GRIN2C: variants seen among roughly 807,000 people sequenced by gnomAD.
GRIN2C encodes the protein glutamate receptor ionotropic, NMDA 2C.
GRIN2C carries 64 observed loss-of-function variants against 77.7 expected under a neutral mutation model. That is an observed-to-expected ratio of 0.82 (90% CI 0.67 to 1.01). The LOEUF (loss-of-function observed/expected upper bound fraction) is 1.01, where lower values mean the gene tolerates loss of function less well. Among genes scored for constraint, GRIN2C ranks in the 50% least tolerant of loss-of-function variants. GRIN2C has a pLI of 0.00. For synonymous variants in GRIN2C, 792 were observed against 643.4 expected (o/e 1.23, Z -3.49); for missense variants, 1,549 against 1,486.0 (o/e 1.04, Z -0.70).
chr17:74,843,022 C>T lies in GRIN2C; in HGVS notation c.3115G>A (p.Gly1039Ser), dbSNP rs2037343952. 1 of 490,944 alleles carries T rather than the reference C, an allele frequency of 2.0e-6. No homozygotes were observed. The highest frequency in any genetic ancestry group is 3.0e-5 in the South Asian group (1 of 33,680). 30.4% of individuals were successfully genotyped at this position (490,944 alleles called of 1,614,324 possible). Reference protein sequence around the residue: ...YSSFPRADRSGRPFLPLFPEL... With the variant: ...YSSFPRADRSSRPFLPLFPEL... ...GGGAAGAGCGGGAGGAAGGGGCGGC[C>T]GGATCGGTCGGCTCGAGGAAAGGAG... Residue 1039 changes from glycine (G) to serine (S), a missense_variant, in exon 13 of 13, where the codon GGC (glycine) becomes AGC (serine). By Grantham distance (56) the Gly-to-Ser change is moderately conservative (BLOSUM62 0). This residue lies in a region of GRIN2C where 450 missense variants were observed against 267.9 expected (regional missense o/e 1.68). Coordinates refer to ENST00000293190, the MANE Select transcript of GRIN2C (RefSeq NM_000835.6).
In GRIN2C at chr17:74,851,981, T is replaced by A. The variant is rs201471698; in HGVS notation, c.998+32A>T. The A allele has an allele frequency of 1.8e-4, 265 of 1,446,374 alleles. 1 individual carries two copies. The African/African-American group carries it at 3.2e-3, about 17-fold the overall frequency. 89.6% of individuals were successfully genotyped at this position (1,446,374 alleles called of 1,614,324 possible). A position where few individuals can be genotyped will look rare whatever the true frequency, so the allele number is the denominator to read the frequency against. ...CAGCTCCCCCGAAGCGCTCCCCACCTCCCTACCCCTATGCCCCGGGCAGGT... is the reference window on the plus strand; with the variant it reads ...CAGCTCCCCCGAAGCGCTCCCCACCACCCTACCCCTATGCCCCGGGCAGGT... On this transcript the variant is annotated intron_variant, in intron 3 of 12. Transcript: ENST00000293190.
In GRIN2C at chr17:74,847,196, C is replaced by G. The variant is rs948691051; in HGVS notation, c.2001+112G>C. ...CAGCAGGCCCTGAAGCTTCTTCCTG[C>G]CCCAGCCTCCAGGTCAAATTCCCCA... On this transcript the variant is annotated intron_variant, in intron 9 of 12. Coordinates refer to ENST00000293190, the MANE Select transcript of GRIN2C (RefSeq NM_000835.6). The surrounding 1 kb of genome is among the most constrained non-coding windows in gnomAD (Gnocchi z 5.2). 1.1e-6 allele frequency: 1 copy of G among 889,568 alleles called. No individual in the cohort carries two copies. Among genetic ancestry groups the G allele is most frequent in the African/African-American group, 1.6e-5 (1 of 60,890 alleles). 55.1% of individuals were successfully genotyped at this position (889,568 alleles called of 1,614,324 possible).
At chr17:74,853,489 T>C (rs181285203) in intron 2 of GRIN2C, 7 of 152,344 alleles carry the variant, frequency 4.6e-5, no homozygotes, top group East Asian at 1.9e-4. Flanking sequence ...ATGGGGAAAT[T>C]TGAACACTGC....
intron 4 of GRIN2C, 105 bp downstream of exon 4, chr17:74,851,472 G>C: frequency 1.5e-6 from 1 of 655,732 alleles, no homozygotes; most frequent in Non-Finnish European, 2.7e-6. Flanking sequence ...GAAGATGAGG[G>C]GTTGGATAAG....
rs1348210980 is a variant in GRIN2C, at chr17:74,852,725, C to G, written c.400-114G>C. 6.8e-5 allele frequency: 35 copies of G among 514,588 alleles called. No homozygotes were observed. In the South Asian group the frequency reaches 1.1e-3, roughly 17 times the overall value. 31.9% of individuals were successfully genotyped at this position (514,588 alleles called of 1,614,324 possible). A position where few individuals can be genotyped will look rare whatever the true frequency, so the allele number is the denominator to read the frequency against. ...GGCGCCCTTGCGCCGGCGGATGCTC[C>G]GCATTCCGGGAGCCCTCTGGCCTGC... On this transcript the variant is annotated intron_variant, in intron 2 of 12. Transcript: ENST00000293190.
chr17:74,856,994 G>T (rs773008804), intron 1 of GRIN2C, among the ~76,000 whole-genome samples: 1 of 152,150 alleles, frequency 6.6e-6, no homozygotes, highest in Non-Finnish European at 1.5e-5. Context: ...CAATTGGCCC[G>T]TGTGTGCTGA....
In GRIN2C at chr17:74,852,796, G is replaced by A. The variant is rs74410871; in HGVS notation, c.400-185C>T. On this transcript the variant is annotated intron_variant, in intron 2 of 12. Transcript: ENST00000293190. ...TGGTTCCCCGCTGCCTAGTAGCATG[G>A]TCATGCCCGGCCCCCAGCCCACCAC... is the stretch of plus-strand genomic sequence containing the variant. 12 of 436,462 alleles carry A rather than the reference G, an allele frequency of 2.7e-5. No individual in the cohort carries two copies. In the East Asian group the frequency reaches 4.3e-4, roughly 16 times the overall value. 27.0% of individuals were successfully genotyped at this position (436,462 alleles called of 1,614,324 possible).
At position 74,844,364 on chromosome 17, in the gene GRIN2C, A is replaced by C. The variant is rs747611125; in HGVS notation, c.2495T>G (p.Val832Gly). ...GTAGACCAGGTGCTCCCAGGCGAAGACCAGCAGGGCCAGCCCCATGGCCAC... is the reference window on the plus strand; with the variant it reads ...GTAGACCAGGTGCTCCCAGGCGAAGCCCAGCAGGGCCAGCCCCATGGCCAC... ...LLVAMGLALL[V>G]FAWEHLVYWK... is the part of the protein sequence containing the mutation. The change falls in exon 12 of 13, where the codon GTC becomes GGC. Residue 832 changes from valine (V) to glycine (G), a missense_variant. Transcript: ENST00000293190. The C allele has an allele frequency of 1.2e-6, 2 of 1,614,024 alleles. No individual in the cohort carries two copies. The highest frequency in any genetic ancestry group is 2.7e-5 in the African/African-American group (2 of 74,892).
chr17:74,857,339 A>C (rs894270154), intron 1 of GRIN2C, among the ~76,000 whole-genome samples: 4 of 152,214 alleles, frequency 2.6e-5, no homozygotes, highest in African/African-American at 9.6e-5. Flanking sequence ...GCCAGGTGGT[A>C]GAATTTCAGG....
chr17:74,846,613 A>G lies in GRIN2C; in HGVS notation c.2162+147T>C. ...ATGGTGGCCTTCCATTTTTGCCTCA[A>G]GCTCCACTCTGCCCCAAGACCTCTT... On this transcript the variant is annotated intron_variant, in intron 10 of 12. Coordinates refer to ENST00000293190, the MANE Select transcript of GRIN2C (RefSeq NM_000835.6). This position sits in a 1 kb window ranked among gnomAD's most constrained non-coding sequence, Gnocchi z 4.4. The G allele has an allele frequency of 1.2e-6, 1 of 827,956 alleles. No homozygotes were observed. Among genetic ancestry groups the G allele is most frequent in the African/African-American group, 1.7e-5 (1 of 58,240 alleles). 51.3% of individuals were successfully genotyped at this position (827,956 alleles called of 1,614,324 possible). A position where few individuals can be genotyped will look rare whatever the true frequency, so the allele number is the denominator to read the frequency against.
At position 74,847,800 on chromosome 17, in the gene GRIN2C, G is replaced by C; in HGVS notation, c.1771+52C>G. On this transcript the variant is annotated intron_variant, in intron 8 of 12. Coordinates refer to ENST00000293190, the MANE Select transcript of GRIN2C (RefSeq NM_000835.6). This position sits in a 1 kb window ranked among gnomAD's most constrained non-coding sequence, Gnocchi z 5.2. ...GAAGGACCCGTTGCCCCTGAGCCCA[G>C]CCCTCAGGGTGCCCAGGCCCACCCC... 1 of 1,605,374 alleles carries C rather than the reference G, an allele frequency of 6.2e-7. No individual in the cohort carries two copies. Among genetic ancestry groups the C allele is most frequent in the Non-Finnish European group, 8.5e-7 (1 of 1,173,444 alleles).
intron 12 of GRIN2C, 84 bp downstream of exon 12, chr17:74,844,192 T>C (rs779392467): frequency 6.4e-7 from 1 of 1,565,820 alleles, no homozygotes; most frequent in Middle Eastern, 1.8e-4. Context: ...GTTTTACCTC[T>C]GGAAATGGGC....
chr17:74,856,296 T>TC (rs1306798637), intron 1 of GRIN2C, among the ~76,000 whole-genome samples: 1 of 152,006 alleles, frequency 6.6e-6, no homozygotes, highest in African/African-American at 2.4e-5. Flanking sequence ...ACTCCAGCCC[T>TC]CCCGCCTCCC....
chr17:74,851,866 G>C, intron 3 of GRIN2C, 147 bp downstream of exon 3: 13 of 705,604 alleles, frequency 1.8e-5, no homozygotes, highest in South Asian at 1.7e-4. Flanking sequence ...GTTCAGATGA[G>C]GACACTAAGG....
At position 74,846,695 on chromosome 17, in the gene GRIN2C, G is replaced by C. The variant is rs1023188745; in HGVS notation, c.2162+65C>G. On this transcript the variant is annotated intron_variant, in intron 10 of 12. Transcript: ENST00000293190. The surrounding 1 kb of genome is among the most constrained non-coding windows in gnomAD (Gnocchi z 4.4). Reference sequence around the variant, plus strand: ...CCCAGTCCCACTGTCCCCACATTGAGAGCTAAGGCTGGTCACTGGGGAGAC... The same window carrying C: ...CCCAGTCCCACTGTCCCCACATTGACAGCTAAGGCTGGTCACTGGGGAGAC... 7 of 1,521,208 alleles carry C rather than the reference G, an allele frequency of 4.6e-6. No homozygotes were observed. Among genetic ancestry groups the C allele is most frequent in the Non-Finnish European group, 6.3e-6 (7 of 1,109,556 alleles). 94.2% of individuals were successfully genotyped at this position (1,521,208 alleles called of 1,614,324 possible). A position where few individuals can be genotyped will look rare whatever the true frequency, so the allele number is the denominator to read the frequency against.
upstream of GRIN2C, chr17:74,860,734 T>C: frequency 2.9e-6 from 1 of 349,384 alleles, no homozygotes; most frequent in South Asian, 2.1e-5. Flanking sequence ...ATCTGCAAGA[T>C]GCCACTACTC....
chr17:74,854,900 G>A lies in GRIN2C; in HGVS notation c.193C>T (p.Leu65Phe), dbSNP rs78349823. 6.1e-3 allele frequency: 9,870 copies of A among 1,613,402 alleles called. 50 individuals are homozygous for A. Among genetic ancestry groups the A allele is most frequent in the Middle Eastern group, 0.02 (121 of 6,040 alleles). Residue 65 changes from leucine to phenylalanine, a missense_variant, in exon 2 of 13, where the codon CTC becomes TTC. Coordinates refer to ENST00000293190, the MANE Select transcript of GRIN2C (RefSeq NM_000835.6). ...TTGGTGGTGTTGACCCCAACTGTGA[G>A]CGGCTGGATCTCCAGGGGTAGGTCC... The part of the protein sequence containing the change: ...FLDLPLEIQP[L>F]TVGVNTTNPS...
chr17:74,856,141 G>C (rs1233213011), intron 1 of GRIN2C, among the ~76,000 whole-genome samples: 1 of 152,210 alleles, frequency 6.6e-6, no homozygotes, highest in Non-Finnish European at 1.5e-5. Context: ...GTAACACAAA[G>C]CCTGAGTGGA....
chr17:74,852,602 A>AG lies in GRIN2C; in HGVS notation c.408dup (p.Ser137LeufsTer284). 1 of 1,369,418 alleles carries AG rather than the reference A, an allele frequency of 7.3e-7. No homozygotes were observed. The highest frequency in any genetic ancestry group is 9.4e-7 in the Non-Finnish European group (1 of 1,059,488). The allele number at this position is 1,369,418 out of a possible 1,614,324, so 84.8% of individuals were successfully genotyped here. The stretch of plus-strand genomic sequence containing the variant: ...GACACGCCCAGCTGCAGGAAGGCGG[A>AG]GCCCGGCTCCTGGGGGCGGGCGGGG... On this transcript the variant is annotated frameshift_variant, in exon 3 of 13. Transcript: ENST00000293190. LOFTEE classifies it high-confidence loss of function.
Sources: allele counts gnomAD v4.1 joint callset (sites outside exome capture counted in the v4.1 genomes callset), GRCh38; gene constraint gnomAD v4.1.1; regional missense constraint gnomAD v4.1.1; non-coding constraint Gnocchi (gnomAD v3.1); transcripts MANE v1.5; gene names NCBI Gene and HGNC (gene_info 2026-07-23, HGNC 2026-07-21).